ABLIM1: variants seen among roughly 807,000 people sequenced by gnomAD.
ABLIM1 encodes the protein actin binding LIM protein 1.
Under a neutral mutation model 107.0 loss-of-function variants are expected in ABLIM1, and 40 were observed. The observed-to-expected ratio is 0.37, with a 90% CI of 0.29 to 0.49. The LOEUF is 0.49. ABLIM1 is among the 20% of genes least tolerant of loss of function. ABLIM1 has a pLI of 0.97. For synonymous variants in ABLIM1, 357 were observed against 357.3 expected (o/e 1.00, Z 0.01); for missense variants, 857 against 1,008.5 (o/e 0.85, Z 2.04).
intron 1 of ABLIM1, among the ~76,000 whole-genome samples, chr10:114,647,853 C>G (rs1341460270): frequency 1.3e-5 from 2 of 152,192 alleles, no homozygotes; most frequent in Non-Finnish European, 2.9e-5. Context: ...AAGTCACTTA[C>G]AGAAAGTGAA....
At position 114,500,744 on chromosome 10, in the gene ABLIM1, AAGGGAAG is replaced by A. The variant is rs1565643478; in HGVS notation, c.895-8873_895-8867del. ...AAAGGAAGGGAAAGGAAGGGAAGGGAAGGGAAGGGAAGGGAAGGGAAGGGAAGGGAAG... is the reference window on the plus strand; with the variant it reads ...AAAGGAAGGGAAAGGAAGGGAAGGGAGGAAGGGAAGGGAAGGGAAGGGAAG... On this transcript the variant is annotated intron_variant, in intron 6 of 22. Coordinates refer to ENST00000533213, the MANE Select transcript of ABLIM1 (RefSeq NM_002313.7). Among the ~76,000 whole-genome samples, 86 of 103,300 alleles carry A rather than the reference AAGGGAAG, an allele frequency of 8.3e-4. 2 individuals are homozygous for A. Among genetic ancestry groups the A allele is most frequent in the South Asian group, 3.0e-3 (7 of 2,340 alleles). The allele number at this position is 103,300 out of a possible 152,430, so 67.8% of individuals were successfully genotyped here.
At chr10:114,571,134 G>GTC (rs2071617019) in intron 4 of ABLIM1, among the ~76,000 whole-genome samples, 163 bp downstream of exon 4, 1 of 152,128 alleles carries the variant, frequency 6.6e-6, no homozygotes, top group East Asian at 1.9e-4. Context: ...ACCTTTTCAT[G>GTC]TACCTGTTGG....
Position 114,491,491 on chromosome 10 carries a change from G to GAT in ABLIM1, c.982+298_982+299dup, listed in dbSNP as rs565988797. On this transcript the variant is annotated intron_variant, in intron 7 of 22. Coordinates refer to ENST00000533213, the MANE Select transcript of ABLIM1 (RefSeq NM_002313.7). Reference sequence around the variant, plus strand: ...TATTCCTGGGGAGAGTTGGAGAGGAGATATTGCTGATTTTCACTCTTCCCT... The same window carrying GAT: ...TATTCCTGGGGAGAGTTGGAGAGGAGATATATTGCTGATTTTCACTCTTCCCT... Among the ~76,000 whole-genome samples, 247 of 152,216 alleles carry GAT rather than the reference G, an allele frequency of 1.6e-3. 1 individual carries two copies. Among genetic ancestry groups the GAT allele is most frequent in the African/African-American group, 5.5e-3 (230 of 41,528 alleles).
intron 1 of ABLIM1, chr10:114,613,715 A>ATGCTTTG: frequency 7.6e-7 from 1 of 1,318,192 alleles, no homozygotes. Context: ...ACCTGTGTTC[A>ATGCTTTG]CAGCATCCAA....
intron 1 of ABLIM1, among the ~76,000 whole-genome samples, chr10:114,762,044 T>C (rs896572874): frequency 6.6e-5 from 10 of 151,462 alleles, no homozygotes; most frequent in African/African-American, 2.4e-4. Flanking sequence ...AGGATATCCT[T>C]TTTTTTTGAG....
chr10:114,747,419 A>G (rs544892850), intron 1 of ABLIM1, among the ~76,000 whole-genome samples: 15 of 152,308 alleles, frequency 9.8e-5, no homozygotes, highest in Middle Eastern at 3.4e-3. Flanking sequence ...GCTCTGCTCT[A>G]TGTGTATACG....
At chr10:114,736,713 G>A (rs1193183660) in intron 1 of ABLIM1, among the ~76,000 whole-genome samples, 3 of 152,150 alleles carry the variant, frequency 2.0e-5, no homozygotes, top group Non-Finnish European at 2.9e-5. Flanking sequence ...CCGATGTAAT[G>A]CAATGATGCT....
the ABLIM1 span, among the ~76,000 whole-genome samples, chr10:114,798,564 C>CCG: frequency 7.5e-3 from 1,121 of 149,190 alleles, 28 homozygotes; most frequent in African/African-American, 0.018. Context: ...AGACCCCCCC[C>CCG]CCATGTCTAC....
At chr10:114,548,382 T>C (rs1209757946) in intron 4 of ABLIM1, among the ~76,000 whole-genome samples, 2 of 152,184 alleles carry the variant, frequency 1.3e-5, no homozygotes, top group Non-Finnish European at 2.9e-5. Context: ...TATTTCTTCA[T>C]GGTAAAGAGT....
At position 114,589,188 on chromosome 10, in the gene ABLIM1, CGTGTGTGTGTCT is replaced by C. The variant is rs1387353510; in HGVS notation, c.379+12627_379+12638del. ...AAATTTTTTGTATAGCTGTACGATGCGTGTGTGTGTCTGTGTGTGTGTGTGTGTGTTTTTTTT... is the reference window on the plus strand; with the variant it reads ...AAATTTTTTGTATAGCTGTACGATGCGTGTGTGTGTGTGTGTGTTTTTTTT... On this transcript the variant is annotated intron_variant, in intron 2 of 22. Transcript: ENST00000533213. Among the ~76,000 whole-genome samples the C allele has an allele frequency of 3.4e-5, 5 of 146,484 alleles. No homozygotes were observed. The Admixed American group carries it at 3.4e-4, about 10-fold the overall frequency.
chr10:114,551,632 C>T (rs866219402), intron 4 of ABLIM1, among the ~76,000 whole-genome samples: 1 of 152,250 alleles, frequency 6.6e-6, no homozygotes, highest in Admixed American at 6.5e-5. Context: ...CATGACCAAC[C>T]AGAGGCTGAA....
chr10:114,468,065 T>C (rs2133741916), intron 11 of ABLIM1, 116 bp downstream of exon 11: 1 of 897,938 alleles, frequency 1.1e-6, no homozygotes. Context: ...TAACCCCACA[T>C]GCAGTTTTTC....
intron 6 of ABLIM1, among the ~76,000 whole-genome samples, chr10:114,502,824 A>G (rs2060607914): frequency 6.6e-6 from 1 of 152,216 alleles, no homozygotes; most frequent in Non-Finnish European, 1.5e-5. Flanking sequence ...GCACAGCTTC[A>G]TAAGTTTTCA....
At chr10:114,469,268 C>T (rs900868088) in intron 10 of ABLIM1, among the ~76,000 whole-genome samples, 1 of 152,176 alleles carries the variant, frequency 6.6e-6, no homozygotes, top group African/African-American at 2.4e-5. Context: ...AGTTTGATAA[C>T]TAAAATAGGA....
At chr10:114,463,891 A>G (rs1191133096) in intron 12 of ABLIM1, among the ~76,000 whole-genome samples, 1 of 152,188 alleles carries the variant, frequency 6.6e-6, no homozygotes, top group Non-Finnish European at 1.5e-5. Flanking sequence ...CTTCAAAATA[A>G]TAACTTTAAA....
intron 1 of ABLIM1, among the ~76,000 whole-genome samples, chr10:114,618,475 T>C (rs1463551133): frequency 1.3e-5 from 2 of 152,216 alleles, no homozygotes; most frequent in African/African-American, 4.8e-5. Context: ...AAAAAAACCC[T>C]GACTCTGAGA....
chr10:114,662,634 C>T (rs1248055292), upstream of ABLIM1, among the ~76,000 whole-genome samples: 1 of 152,222 alleles, frequency 6.6e-6, no homozygotes. Context: ...CTCCATCCCT[C>T]TGCATGCAGC....
At chr10:114,519,099 G>T (rs2063341420) in intron 6 of ABLIM1, among the ~76,000 whole-genome samples, 1 of 152,176 alleles carries the variant, frequency 6.6e-6, no homozygotes, top group African/African-American at 2.4e-5. Context: ...GGTTTGTACA[G>T]CAAGCAGAGA....
intron 6 of ABLIM1, among the ~76,000 whole-genome samples, chr10:114,498,202 A>C (rs2059945014): frequency 6.6e-6 from 1 of 152,184 alleles, no homozygotes; most frequent in South Asian, 2.1e-4. Flanking sequence ...CATCTCAAAA[A>C]TGCAAAGGGC....
Sources: allele counts gnomAD v4.1 joint callset (sites outside exome capture counted in the v4.1 genomes callset), GRCh38; gene constraint gnomAD v4.1.1; transcripts MANE v1.5; gene names NCBI Gene and HGNC (gene_info 2026-07-23, HGNC 2026-07-21).